The following PRIMA1 variants were observed in gnomAD, a reference collection of about 807,000 sequenced individuals.
PRIMA1 encodes the protein proline rich membrane anchor 1.
In PRIMA1, 7 loss-of-function variants were observed where a neutral mutation model predicts 17.5. The observed-to-expected ratio is 0.40, with a 90% CI of 0.23 to 0.75. The LOEUF is 0.75. PRIMA1 is among the 30% of genes least tolerant of loss of function. The probability of loss-of-function intolerance (pLI) is 0.37; values close to 1 mark genes in which losing one functional copy is unlikely to be tolerated. For missense variants in PRIMA1, 200 were observed against 201.8 expected (o/e 0.99, Z 0.05); for synonymous variants, 97 against 77.9 (o/e 1.25, Z -1.29).
In PRIMA1 at chr14:93,753,060, A is replaced by C. The variant is rs564010797; in HGVS notation, c.230-15690T>G. On this transcript the variant is annotated intron_variant, in intron 3 of 4. Coordinates refer to ENST00000393140, the MANE Select transcript of PRIMA1 (RefSeq NM_178013.4). ...TCCCCTGGGAAACTAAGAGAGCCAC[A>C]GGGCTGGAAGATGGCCAGGGCTCTT... Among the ~76,000 whole-genome samples, 22 of 152,248 alleles carry C rather than the reference A, an allele frequency of 1.4e-4. No individual in the cohort carries two copies. In the South Asian group the frequency reaches 4.6e-3, roughly 32 times the overall value.
intron 3 of PRIMA1, among the ~76,000 whole-genome samples, chr14:93,748,147 T>A (rs1411142895): frequency 1.3e-5 from 2 of 152,040 alleles, no homozygotes; most frequent in East Asian, 1.9e-4. Flanking sequence ...AGAGACTGTG[T>A]GAGTGCTGAT....
intron 2 of PRIMA1, 86 bp from the exon 3 acceptor site, chr14:93,779,397 C>T: frequency 8.4e-7 from 1 of 1,187,736 alleles, no homozygotes; most frequent in Non-Finnish European, 1.2e-6. Context: ...ACCCCGTCCC[C>T]TGCCAGGCTG....
At chr14:93,721,878 A>G (rs1170387126) in intron 4 of PRIMA1, among the ~76,000 whole-genome samples, 2 of 152,218 alleles carry the variant, frequency 1.3e-5, no homozygotes, top group Non-Finnish European at 2.9e-5. Flanking sequence ...GTCTAGCACG[A>G]TCAGGCCTTG....
At chr14:93,732,027 G>A (rs866943482) in intron 4 of PRIMA1, among the ~76,000 whole-genome samples, 3 of 152,232 alleles carry the variant, frequency 2.0e-5, no homozygotes, top group Non-Finnish European at 4.4e-5. Flanking sequence ...AGCAATTAAC[G>A]TCTGCAGGGT....
intron 3 of PRIMA1, among the ~76,000 whole-genome samples, chr14:93,768,885 G>A (rs1472765826): frequency 4.7e-5 from 7 of 149,134 alleles, no homozygotes; most frequent in East Asian, 3.9e-4. Context: ...GGCTCACCGC[G>A]ACCTCCACCT....
intron 3 of PRIMA1, among the ~76,000 whole-genome samples, chr14:93,762,419 C>A (rs934414294): frequency 3.3e-5 from 5 of 151,926 alleles, no homozygotes; most frequent in African/African-American, 9.7e-5. Context: ...CAGCCCCCCA[C>A]CCCCCAATCC....
chr14:93,756,170 T>C (rs2076289421), intron 3 of PRIMA1, among the ~76,000 whole-genome samples: 1 of 152,196 alleles, frequency 6.6e-6, no homozygotes. Context: ...ACCCAAAGCA[T>C]TGAGATTCCA....
chr14:93,741,865 G>A (rs1046288663), intron 3 of PRIMA1, among the ~76,000 whole-genome samples: 2 of 152,050 alleles, frequency 1.3e-5, no homozygotes, highest in African/African-American at 2.4e-5. Context: ...CAACAGAAAG[G>A]CAGGAGTTGA....
intron 3 of PRIMA1, among the ~76,000 whole-genome samples, chr14:93,743,484 G>A (rs936035431): frequency 9.2e-5 from 14 of 152,204 alleles, no homozygotes; most frequent in Admixed American, 7.9e-4. Context: ...GCCCAGCTCC[G>A]GGCCCATCAG....
At chr14:93,735,303 A>G (rs2076142630) in intron 4 of PRIMA1, among the ~76,000 whole-genome samples, 1 of 152,178 alleles carries the variant, frequency 6.6e-6, no homozygotes, top group African/African-American at 2.4e-5. Flanking sequence ...CTGGTGACAA[A>G]GGCCTCCCCA....
At chr14:93,753,593 G>A (rs2076273322) in intron 3 of PRIMA1, among the ~76,000 whole-genome samples, 1 of 152,122 alleles carries the variant, frequency 6.6e-6, no homozygotes, top group Non-Finnish European at 1.5e-5. Flanking sequence ...GTGGAAGCAG[G>A]GGGCAAAAAC....
chr14:93,778,898 C>A (rs1392941771), intron 3 of PRIMA1, among the ~76,000 whole-genome samples: 1 of 151,814 alleles, frequency 6.6e-6, no homozygotes, highest in Non-Finnish European at 1.5e-5. Context: ...CTTTAAAGAT[C>A]TGGCCTTCGG....
chr14:93,725,017 G>C (rs1390584627), intron 4 of PRIMA1, among the ~76,000 whole-genome samples: 1 of 152,136 alleles, frequency 6.6e-6, no homozygotes, highest in Non-Finnish European at 1.5e-5. Context: ...TGCCATCTCT[G>C]AGACCCCTTC....
intron 2 of PRIMA1, among the ~76,000 whole-genome samples, chr14:93,780,761 T>C (rs1245695090): frequency 6.6e-6 from 1 of 152,240 alleles, no homozygotes; most frequent in African/African-American, 2.4e-5. Flanking sequence ...TGACTGCCAG[T>C]GTCCCTCACT....
At chr14:93,736,044 T>G (rs12895096) in intron 4 of PRIMA1, among the ~76,000 whole-genome samples, 117,173 of 152,058 alleles carry the variant, frequency 0.77, 46,090 homozygotes, top group Middle Eastern at 0.9. Context: ...CTTAGAGCAT[T>G]GGGCCTTTCT....
chr14:93,777,104 G>C (rs1356054210), intron 3 of PRIMA1, among the ~76,000 whole-genome samples: 1 of 152,214 alleles, frequency 6.6e-6, no homozygotes, highest in African/African-American at 2.4e-5. Context: ...GGATATGCGT[G>C]AATGTAGATC....
chr14:93,748,499 G>A (rs539017770), intron 3 of PRIMA1, among the ~76,000 whole-genome samples: 3 of 152,298 alleles, frequency 2.0e-5, no homozygotes, highest in South Asian at 2.1e-4. Flanking sequence ...AGCTGAGCCC[G>A]ACAGGGTGCA....
Position 93,787,715 on chromosome 14 carries a change from G to A in PRIMA1, c.4C>T (p.Leu2Phe). M[L>F]LRDLVLRRGC... Reference sequence around the variant, plus strand: ...CGGCGCAGCACCAAGTCCCGGAGGAGCATCTCGGCCAGCGGCGCCCGCTCC... The same window carrying A: ...CGGCGCAGCACCAAGTCCCGGAGGAACATCTCGGCCAGCGGCGCCCGCTCC... Residue 2 changes from leucine (L) to phenylalanine (F), a missense_variant, in exon 2 of 5, where the codon CTC (leucine) becomes TTC (phenylalanine). By Grantham distance (22) the Leu-to-Phe change is conservative. Coordinates refer to ENST00000393140, the MANE Select transcript of PRIMA1 (RefSeq NM_178013.4). 6.5e-7 allele frequency: 1 copy of A among 1,543,466 alleles called. No individual in the cohort carries two copies. Among genetic ancestry groups the A allele is most frequent in the Non-Finnish European group, 8.7e-7 (1 of 1,146,542 alleles).
intron 4 of PRIMA1, among the ~76,000 whole-genome samples, chr14:93,727,064 G>T (rs2076082642): frequency 6.6e-6 from 1 of 152,314 alleles, no homozygotes; most frequent in East Asian, 1.9e-4. Flanking sequence ...ACCGTGAGAA[G>T]CAGCAGCCCC....
Sources: gnomAD v4.1 joint callset for allele counts (sites outside exome capture counted in the v4.1 genomes callset) on GRCh38, gnomAD v4.1.1 for gene constraint, MANE v1.5 for transcripts, NCBI Gene and HGNC (gene_info 2026-07-23, HGNC 2026-07-21) for gene names.